Variants in TTC23 observed in about 807,000 individuals in gnomAD.
TTC23 encodes tetratricopeptide repeat domain 23, also known as tetratricopeptide repeat protein 23.
A neutral mutation model predicts 55.1 loss-of-function variants in TTC23; 58 were observed. The ratio of observed to expected loss-of-function variants is 1.05; its 90% CI spans 0.85 to 1.31. The LOEUF is 1.31. Ranked by LOEUF, TTC23 falls within the 50% of genes most tolerant of loss-of-function variation. The pLI, the probability that TTC23 is intolerant of heterozygous loss-of-function variation, is 0.00. For synonymous variants in TTC23, 203 were observed against 199.9 expected, an observed-to-expected ratio of 1.02 and a Z score of -0.13; for missense variants, 516 against 534.4, an observed-to-expected ratio of 0.97 and a Z score of 0.34.
intron 10 of TTC23, among the ~76,000 whole-genome samples, chr15:99,172,257 A>G (rs1303046830): frequency 6.6e-6 from 1 of 151,972 alleles, no homozygotes; most frequent in Non-Finnish European, 1.5e-5. Context: ...ACCTCATGTG[A>G]TCCACCCATC....
At chr15:99,210,154 A>C (rs1217239087) in intron 8 of TTC23, among the ~76,000 whole-genome samples, 2 of 152,086 alleles carry the variant, frequency 1.3e-5, no homozygotes. Flanking sequence ...TGTCATTTTA[A>C]AACATGATTC....
intron 10 of TTC23, among the ~76,000 whole-genome samples, chr15:99,169,142 G>A (rs2072564750): frequency 6.6e-6 from 1 of 152,164 alleles, no homozygotes; most frequent in Admixed American, 6.5e-5. Context: ...CTCCCTGTGG[G>A]GCACAGAGCA....
rs566059449 is a variant in TTC23 at position 99,235,701 on chromosome 15, T to G, written c.-113-621A>C. Among the ~76,000 whole-genome samples, 6 of 152,324 alleles carry G rather than the reference T, an allele frequency of 3.9e-5. No homozygotes were observed. In the East Asian group the frequency reaches 9.6e-4, roughly 24 times the overall value. ...AACCATTTTTAAGTGTGCAGTTCAG[T>G]GACATTAAGTAAATTCACATTGCTG... On this transcript the variant is annotated intron_variant, in intron 3 of 13. Transcript: ENST00000394132.
intron 10 of TTC23, among the ~76,000 whole-genome samples, 176 bp from the exon 11 acceptor site, chr15:99,162,043 T>A (rs1193521210): frequency 6.6e-6 from 1 of 152,202 alleles, no homozygotes; most frequent in Non-Finnish European, 1.5e-5. Context: ...AGGATTTAGG[T>A]CTTGAAGGAT....
chr15:99,168,064 T>C (rs2072386227), intron 10 of TTC23, among the ~76,000 whole-genome samples: 1 of 152,142 alleles, frequency 6.6e-6, no homozygotes, highest in Admixed American at 6.5e-5. Context: ...CGGAAGAGAC[T>C]CCTTCCTCAC....
chr15:99,151,194 C>T (rs1406711715), intron 12 of TTC23: 1 of 152,208 alleles, frequency 6.6e-6, no homozygotes, highest in Non-Finnish European at 1.5e-5. Flanking sequence ...ATGCTGGCAA[C>T]CCTGTCCCAG....
At chr15:99,185,264 G>A (rs1473138048) in intron 9 of TTC23, among the ~76,000 whole-genome samples, 4 of 152,114 alleles carry the variant, frequency 2.6e-5, no homozygotes, top group Admixed American at 2.0e-4. Flanking sequence ...TAAATTGATT[G>A]CATATGTATA....
intron 12 of TTC23, chr15:99,144,347 C>G (rs561882997): frequency 6.6e-6 from 1 of 152,010 alleles, no homozygotes; most frequent in Non-Finnish European, 1.5e-5. Context: ...TTAGGTGACT[C>G]GGTATACTCT....
chr15:99,202,836 G>A lies in TTC23; in HGVS notation c.582-2740C>T, dbSNP rs546800094. Among the ~76,000 whole-genome samples, 12 of 152,290 alleles carry A rather than the reference G, an allele frequency of 7.9e-5. No homozygotes were observed. The Middle Eastern group carries it at 0.014, about 173-fold the overall frequency. On this transcript the variant is annotated intron_variant, in intron 8 of 13. Coordinates refer to ENST00000394132, the MANE Select transcript of TTC23 (RefSeq NM_001288615.3). Reference sequence around the variant, plus strand: ...CAAGCAGCCTTGTTGACAAAGCTTCGACAAAAACAAAATGTCTTGAACCTT... The same window carrying A: ...CAAGCAGCCTTGTTGACAAAGCTTCAACAAAAACAAAATGTCTTGAACCTT...
chr15:99,163,357 C>A (rs530161597), intron 10 of TTC23, among the ~76,000 whole-genome samples: 1 of 152,296 alleles, frequency 6.6e-6, no homozygotes, highest in South Asian at 2.1e-4. Flanking sequence ...ACCAGCTCTC[C>A]AGAAAACAGG....
At chr15:99,152,287 G>A (rs1670218) in intron 12 of TTC23, among the ~76,000 whole-genome samples, 37,526 of 152,124 alleles carry the variant, frequency 0.25, 6,552 homozygotes, top group African/African-American at 0.5. Context: ...GCAGATACCA[G>A]CATCATGCTT....
rs376323214 is a variant in TTC23 at position 99,248,651 on chromosome 15, A to C, written c.-431+520T>G. Reference sequence around the variant, plus strand: ...CATCCGGGCATTAAGAACTGTTCAGAAGTTTTAGTTTAAATGTTCTGAGCC... The same window carrying C: ...CATCCGGGCATTAAGAACTGTTCAGCAGTTTTAGTTTAAATGTTCTGAGCC... On this transcript the variant is annotated intron_variant, in intron 1 of 13. Coordinates refer to ENST00000394132, the MANE Select transcript of TTC23 (RefSeq NM_001288615.3). 2.0e-4 allele frequency among the ~76,000 whole-genome samples: 30 copies of C among 152,260 alleles called. No individual in the cohort carries two copies. The East Asian group carries it at 3.3e-3, about 17-fold the overall frequency.
intron 12 of TTC23, among the ~76,000 whole-genome samples, chr15:99,154,404 G>A (rs1432239175): frequency 1.3e-5 from 2 of 152,186 alleles, no homozygotes; most frequent in Non-Finnish European, 2.9e-5. Context: ...GCAGCCTAAT[G>A]AGAGTGGATT....
chr15:99,156,758 G>A (rs530092321), intron 11 of TTC23, among the ~76,000 whole-genome samples: 2 of 152,242 alleles, frequency 1.3e-5, no homozygotes, highest in African/African-American at 4.8e-5. Context: ...GATTTGGGTG[G>A]GGACACAGCC....
At chr15:99,156,353 A>G (rs1197004600) in intron 11 of TTC23, 56 bp from the exon 12 acceptor site, 1 of 1,591,688 alleles carries the variant, frequency 6.3e-7, no homozygotes, top group Non-Finnish European at 8.6e-7. Context: ...GATTAGGATC[A>G]TTACGCAACT....
At chr15:99,220,242 C>A (rs1270642988) in intron 6 of TTC23, among the ~76,000 whole-genome samples, 1 of 152,126 alleles carries the variant, frequency 6.6e-6, no homozygotes, top group East Asian at 1.9e-4. Flanking sequence ...ATTAAAAATA[C>A]CCACCTTTGA....
At chr15:99,234,930 T>C (rs1237900687) in intron 4 of TTC23, 58 bp downstream of exon 4, 1 of 150,188 alleles carries the variant, frequency 6.7e-6, no homozygotes, top group Non-Finnish European at 1.5e-5. Context: ...GAAAACAGTT[T>C]GGCAGGGTTT....
At chr15:99,173,630 T>G (rs895155084) in intron 10 of TTC23, among the ~76,000 whole-genome samples, 1 of 152,062 alleles carries the variant, frequency 6.6e-6, no homozygotes, top group Non-Finnish European at 1.5e-5. Context: ...GATTCTCCAA[T>G]AAAACTCCAA....
intron 9 of TTC23, among the ~76,000 whole-genome samples, chr15:99,195,184 A>T (rs2075595352): frequency 6.6e-6 from 1 of 152,246 alleles, no homozygotes; most frequent in African/African-American, 2.4e-5. Context: ...AGACATATTG[A>T]ATTAAGGACT....
Sources: allele counts gnomAD v4.1 joint callset (sites outside exome capture counted in the v4.1 genomes callset), GRCh38; gene constraint gnomAD v4.1.1; transcripts MANE v1.5; gene names NCBI Gene and HGNC (gene_info 2026-07-23, HGNC 2026-07-21).